Variants in DLG2 observed in about 807,000 individuals in gnomAD.
DLG2 encodes discs large MAGUK scaffold protein 2.
A neutral mutation model predicts 132.5 loss-of-function variants in DLG2; 45 were observed. The observed-to-expected ratio is 0.34, with a 90% CI of 0.27 to 0.44. The LOEUF (loss-of-function observed/expected upper bound fraction) is 0.44. Ranked by LOEUF, DLG2 falls within the 20% of genes least tolerant of loss-of-function variation. The probability of loss-of-function intolerance (pLI) is 1.00; values close to 1 mark genes in which losing one functional copy is unlikely to be tolerated. For synonymous variants in DLG2, 424 were observed against 419.6 expected, an observed-to-expected ratio of 1.01 and a Z score of -0.13; for missense variants, 1,045 against 1,196.9, an observed-to-expected ratio of 0.87 and a Z score of 1.87.
chr11:85,128,066 T>C (rs1047989798), intron 5 of DLG2, among the ~76,000 whole-genome samples: 3 of 152,124 alleles, frequency 2.0e-5, no homozygotes, highest in African/African-American at 4.8e-5. Context: ...AAGAAAAGCT[T>C]CTTTTGTGCT....
At chr11:84,269,552 G>A (rs985269339) in intron 7 of DLG2, among the ~76,000 whole-genome samples, 5 of 152,232 alleles carry the variant, frequency 3.3e-5, no homozygotes, top group Non-Finnish European at 5.9e-5. Flanking sequence ...ACAGTGATTT[G>A]CAAATCAATT....
chr11:84,568,665 G>A (rs1427722036), intron 6 of DLG2, among the ~76,000 whole-genome samples: 4 of 152,098 alleles, frequency 2.6e-5, no homozygotes, highest in Non-Finnish European at 5.9e-5. Context: ...ACCTGCCCAG[G>A]CAAAGAGACT....
chr11:85,308,202 A>G (rs1459932258), intron 3 of DLG2, among the ~76,000 whole-genome samples: 1 of 150,720 alleles, frequency 6.6e-6, no homozygotes, highest in Non-Finnish European at 1.5e-5. Context: ...AAATAAAACA[A>G]GAAAGAAAAG....
intron 8 of DLG2, 123 bp from the exon 9 acceptor site, chr11:84,163,634 G>C: frequency 1.4e-6 from 1 of 727,354 alleles, no homozygotes; most frequent in Non-Finnish European, 2.2e-6. Flanking sequence ...ACATTTTCTT[G>C]ATATTTCTGA....
At chr11:84,303,837 G>A (rs1482725958) in intron 7 of DLG2, among the ~76,000 whole-genome samples, 2 of 152,154 alleles carry the variant, frequency 1.3e-5, no homozygotes, top group African/African-American at 2.4e-5. Context: ...AATAGAAGGT[G>A]TCATTCTTGA....
chr11:84,188,413 T>A (rs950581674), intron 8 of DLG2, among the ~76,000 whole-genome samples: 1 of 152,110 alleles, frequency 6.6e-6, no homozygotes, highest in Non-Finnish European at 1.5e-5. Context: ...GAAGTAAGAA[T>A]GATTTTATCT....
intron 21 of DLG2, among the ~76,000 whole-genome samples, chr11:83,501,129 A>G (rs1433423199): frequency 6.6e-6 from 1 of 152,066 alleles, no homozygotes; most frequent in Non-Finnish European, 1.5e-5. Context: ...TAGATAGAGA[A>G]ATGGGGCTCA....
chr11:84,896,850 C>T (rs1204354901), intron 6 of DLG2, among the ~76,000 whole-genome samples: 3 of 151,510 alleles, frequency 2.0e-5, no homozygotes, highest in African/African-American at 7.3e-5. Context: ...AACTTTATCA[C>T]AAGTATGTAT....
chr11:83,895,736 T>G (rs1319931193), intron 15 of DLG2, among the ~76,000 whole-genome samples: 1 of 152,178 alleles, frequency 6.6e-6, no homozygotes, highest in African/African-American at 2.4e-5. Flanking sequence ...GGAAAAGAAT[T>G]TGCAAGCTCT....
At chr11:84,849,220 T>G (rs2081889451) in intron 6 of DLG2, among the ~76,000 whole-genome samples, 1 of 152,162 alleles carries the variant, frequency 6.6e-6, no homozygotes, top group South Asian at 2.1e-4. Context: ...CTGAAACAAG[T>G]CAACTCATAG....
intron 8 of DLG2, among the ~76,000 whole-genome samples, chr11:84,250,577 T>C (rs1201719717): frequency 6.6e-6 from 1 of 152,190 alleles, no homozygotes; most frequent in Non-Finnish European, 1.5e-5. Context: ...CAAAGCCTTG[T>C]TGGACCTCCA....
chr11:85,374,685 A>T (rs2085264045), intron 3 of DLG2, among the ~76,000 whole-genome samples: 1 of 152,212 alleles, frequency 6.6e-6, no homozygotes, highest in South Asian at 2.1e-4. Context: ...CAGCAATAAA[A>T]GAGGGTACTG....
chr11:85,082,664 AATTAAAAAAACAATTTT>A (rs1274146540), intron 6 of DLG2, among the ~76,000 whole-genome samples: 1 of 152,026 alleles, frequency 6.6e-6, no homozygotes, highest in Admixed American at 6.6e-5. Context: ...AAGAAAAGTA[AATTAAAAAAACAATTTT>A]TTTGAGAAAG....
intron 6 of DLG2, among the ~76,000 whole-genome samples, chr11:84,795,769 C>G (rs1322817528): frequency 6.6e-6 from 1 of 152,172 alleles, no homozygotes; most frequent in African/African-American, 2.4e-5. Flanking sequence ...CTGCCAAACC[C>G]TCTTTGAGGC....
chr11:84,661,263 G>A (rs1228953864), intron 6 of DLG2, among the ~76,000 whole-genome samples: 1 of 152,074 alleles, frequency 6.6e-6, no homozygotes, highest in African/African-American at 2.4e-5. Context: ...TGGCTTAAGG[G>A]CACTTGAATA....
At chr11:85,286,018 T>G (rs1324147010) in intron 3 of DLG2, 3 of 375,284 alleles carry the variant, frequency 8.0e-6, no homozygotes, top group African/African-American at 4.4e-5. Flanking sequence ...AAATGCAGAC[T>G]GTTACAAAGG....
At chr11:84,619,891 T>C (rs1005550644) in intron 6 of DLG2, among the ~76,000 whole-genome samples, 2 of 151,654 alleles carry the variant, frequency 1.3e-5, no homozygotes, top group Admixed American at 6.6e-5. Context: ...CAAATTAACT[T>C]ATAGGTTCAA....
intron 7 of DLG2, among the ~76,000 whole-genome samples, chr11:84,327,782 A>C (rs1466810461): frequency 6.6e-6 from 1 of 151,978 alleles, no homozygotes; most frequent in Admixed American, 6.6e-5. Context: ...CCATTAACTT[A>C]TTTTTTACTT....
At chr11:85,505,117 T>G (rs1490155144) in intron 3 of DLG2, among the ~76,000 whole-genome samples, 1 of 152,202 alleles carries the variant, frequency 6.6e-6, no homozygotes, top group Non-Finnish European at 1.5e-5. Context: ...AAGGAGATTT[T>G]GGGCTGAGAC....
Sources: gnomAD v4.1 joint callset for allele counts (sites outside exome capture counted in the v4.1 genomes callset) on GRCh38, gnomAD v4.1.1 for gene constraint, MANE v1.5 for transcripts, NCBI Gene and HGNC (gene_info 2026-07-23, HGNC 2026-07-21) for gene names.